Variants in PLGRKT observed in about 807,000 individuals in gnomAD.
PLGRKT encodes plasminogen receptor (KT).
In PLGRKT, 22 loss-of-function variants were observed where a neutral mutation model predicts 18.5. That is an observed-to-expected ratio of 1.19 (90% confidence interval 0.85 to 1.70). PLGRKT has a LOEUF of 1.70. Ranked by LOEUF, PLGRKT falls within the 40% of genes most tolerant of loss-of-function variation. The pLI, the probability that PLGRKT is intolerant of heterozygous loss-of-function variation, is 0.00. For missense variants in PLGRKT, 235 were observed against 174.4 expected (o/e 1.35, Z -1.96); for synonymous variants, 72 against 52.8 (o/e 1.36, Z -1.58).
chr9:5,401,746 A>G lies in PLGRKT; in HGVS notation c.81+30151T>C, dbSNP rs535451827. Among the ~76,000 whole-genome samples, 30 of 152,072 alleles carry G rather than the reference A, an allele frequency of 2.0e-4. 2 individuals carry two copies. Among genetic ancestry groups the G allele is most frequent in the African/African-American group, 7.3e-4 (30 of 41,330 alleles). On this transcript the variant is annotated intron_variant, in intron 3 of 5. Transcript: ENST00000223864. ...AATTTATGTTCCAGGTGAAGATAAG[A>G]GTTGTAGTTCTAAAATTTCTTTAAG...
chr9:5,406,515 A>G (rs1211604474), intron 3 of PLGRKT, among the ~76,000 whole-genome samples: 1 of 152,078 alleles, frequency 6.6e-6, no homozygotes, highest in Non-Finnish European at 1.5e-5. Flanking sequence ...AGGAACAGAA[A>G]ACCAAACACT....
intron 3 of PLGRKT, among the ~76,000 whole-genome samples, chr9:5,404,844 G>C (rs113814093): frequency 0.012 from 1,836 of 152,262 alleles, 33 homozygotes; most frequent in African/African-American, 0.042. Flanking sequence ...AATTGTCTTT[G>C]TTTGCAGATG....
At position 5,423,855 on chromosome 9, in the gene PLGRKT, A is replaced by C. The variant is rs540018608; in HGVS notation, c.81+8042T>G. 1.0e-3 allele frequency among the ~76,000 whole-genome samples: 148 copies of C among 145,076 alleles called. 1 individual carries two copies. The highest frequency in any genetic ancestry group is 3.8e-3 in the African/African-American group (140 of 37,112). ...ATAGCTGGAACTATAGGCACACATC[A>C]CATTGCCCAGCTAATATATATGTAA... On this transcript the variant is annotated intron_variant, in intron 3 of 5. Transcript: ENST00000223864.
At chr9:5,430,174 G>T (rs550625999) in intron 3 of PLGRKT, among the ~76,000 whole-genome samples, 2 of 152,340 alleles carry the variant, frequency 1.3e-5, no homozygotes, top group South Asian at 4.1e-4. Context: ...AAAGTCCTCT[G>T]ACTCTGATGT....
intron 3 of PLGRKT, among the ~76,000 whole-genome samples, chr9:5,373,333 T>A (rs2131079447): frequency 6.6e-6 from 1 of 152,314 alleles, no homozygotes; most frequent in East Asian, 1.9e-4. Context: ...GCTTATCTAA[T>A]TCCTCAGAGA....
intron 3 of PLGRKT, among the ~76,000 whole-genome samples, chr9:5,422,141 T>C (rs917305203): frequency 2.0e-5 from 3 of 152,208 alleles, no homozygotes; most frequent in Non-Finnish European, 4.4e-5. Context: ...ACTGCCATTT[T>C]ATTCAAGCCC....
intron 3 of PLGRKT, among the ~76,000 whole-genome samples, chr9:5,422,809 A>G (rs1488215392): frequency 6.6e-6 from 1 of 152,232 alleles, no homozygotes; most frequent in African/African-American, 2.4e-5. Context: ...AATAGAAGAA[A>G]AAAGACTACC....
intron 3 of PLGRKT, among the ~76,000 whole-genome samples, chr9:5,424,734 G>C (rs1818662990): frequency 7.1e-6 from 1 of 140,810 alleles, no homozygotes; most frequent in Non-Finnish European, 1.5e-5. Context: ...GAGAGAGAGA[G>C]AGAAAGAGAC....
intron 3 of PLGRKT, among the ~76,000 whole-genome samples, chr9:5,401,570 CA>C (rs528243517): frequency 2.6e-5 from 4 of 151,300 alleles, no homozygotes; most frequent in South Asian, 4.2e-4. Flanking sequence ...GACTTTGTGT[CA>C]AAAAAAACAT....
chr9:5,418,930 T>C lies in PLGRKT; in HGVS notation c.81+12967A>G. On this transcript the variant is annotated intron_variant, in intron 3 of 5. Coordinates refer to ENST00000223864, the MANE Select transcript of PLGRKT (RefSeq NM_018465.4). The surrounding 1 kb of genome is among the most constrained non-coding windows in gnomAD (Gnocchi z 4.2). ...GGCCTTCACTAGGGGCTGCAGTAAT[T>C]AAAACAGATCTGACATTCTAGCAGA... is the stretch of plus-strand genomic sequence containing the variant. 1 of 801,702 alleles carries C rather than the reference T, an allele frequency of 1.2e-6. No homozygotes were observed. Among genetic ancestry groups the C allele is most frequent in the South Asian group, 1.5e-5 (1 of 67,484 alleles). The allele number at this position is 801,702 out of a possible 1,614,324, so 49.7% of individuals were successfully genotyped here. A position where few individuals can be genotyped will look rare whatever the true frequency, so the allele number is the denominator to read the frequency against.
At chr9:5,438,241 C>G (rs1026357844), upstream of PLGRKT, among the ~76,000 whole-genome samples, 3 of 152,222 alleles carry the variant, frequency 2.0e-5, no homozygotes, top group Admixed American at 1.3e-4. Flanking sequence ...AGCCGTCTTT[C>G]TCCCCTGCTG....
chr9:5,413,303 T>C (rs7848578), intron 3 of PLGRKT, among the ~76,000 whole-genome samples: 6,100 of 152,256 alleles, frequency 0.04, 200 homozygotes, highest in Non-Finnish European at 0.061. Flanking sequence ...GGAAATAACC[T>C]AAGTACCTGG....
intron 3 of PLGRKT, among the ~76,000 whole-genome samples, chr9:5,375,352 G>C (rs1284943961): frequency 6.6e-6 from 1 of 152,154 alleles, no homozygotes; most frequent in Admixed American, 6.5e-5. Context: ...AGAAATGACA[G>C]GATGGTGGAA....
chr9:5,375,272 T>C (rs561436524), intron 3 of PLGRKT, among the ~76,000 whole-genome samples: 2 of 152,242 alleles, frequency 1.3e-5, no homozygotes, highest in East Asian at 1.9e-4. Flanking sequence ...AGCTAAGATA[T>C]GAAGTGTTGA....
chr9:5,369,555 C>A (rs1350158536), intron 3 of PLGRKT, among the ~76,000 whole-genome samples: 1 of 152,086 alleles, frequency 6.6e-6, no homozygotes, highest in African/African-American at 2.4e-5. Context: ...GGATTTAGAA[C>A]CAGAAATACC....
At position 5,400,032 on chromosome 9, in the gene PLGRKT, T is replaced by C. The variant is rs1292063086; in HGVS notation, c.81+31865A>G. Reference sequence around the variant, plus strand: ...TAAATAAATAAATAAAGTGTTATTCTAATCAGCTCTTAAGGTGGTGGTAGT... The same window carrying C: ...TAAATAAATAAATAAAGTGTTATTCCAATCAGCTCTTAAGGTGGTGGTAGT... On this transcript the variant is annotated intron_variant, in intron 3 of 5. Transcript: ENST00000223864. 2.0e-4 allele frequency among the ~76,000 whole-genome samples: 30 copies of C among 151,868 alleles called. 2 individuals are homozygous for C. The highest frequency in any genetic ancestry group is 7.3e-4 in the African/African-American group (30 of 41,192).
At chr9:5,433,380 GT>G (rs1818874701) in intron 2 of PLGRKT, among the ~76,000 whole-genome samples, 1 of 142,204 alleles carries the variant, frequency 7.0e-6, no homozygotes, top group African/African-American at 2.7e-5. Context: ...CTGCCTGACC[GT>G]CCACCGTCTG....
intron 3 of PLGRKT, among the ~76,000 whole-genome samples, chr9:5,400,850 T>G (rs1252655297): frequency 6.6e-6 from 1 of 152,040 alleles, no homozygotes; most frequent in East Asian, 1.9e-4. Flanking sequence ...ACGCTGCTAT[T>G]CAGCCATATG....
intron 3 of PLGRKT, among the ~76,000 whole-genome samples, chr9:5,391,931 T>G (rs1221930957): frequency 6.6e-6 from 1 of 151,896 alleles, no homozygotes; most frequent in South Asian, 2.1e-4. Context: ...TTCCTCTCAG[T>G]TGAACAATTC....
Sources: allele counts gnomAD v4.1 joint callset (sites outside exome capture counted in the v4.1 genomes callset), GRCh38; gene constraint gnomAD v4.1.1; non-coding constraint Gnocchi (gnomAD v3.1); transcripts MANE v1.5; gene names NCBI Gene and HGNC (gene_info 2026-07-23, HGNC 2026-07-21).